NEDD8: variants seen among roughly 807,000 people sequenced by gnomAD.
NEDD8 encodes the protein NEDD8 ubiquitin like modifier.
A neutral mutation model predicts 13.8 loss-of-function variants in NEDD8; 1 was observed. The observed-to-expected ratio is 0.07, with a 90% CI of 0.03 to 0.34. The LOEUF is 0.34. Among genes scored for constraint, NEDD8 ranks in the 10% least tolerant of loss-of-function variants. NEDD8 has a pLI of 0.99. For synonymous variants in NEDD8, 31 were observed against 33.2 expected (o/e 0.93, Z 0.23); for missense variants, 10 against 95.2 (o/e 0.10, Z 3.73).
chr14:24,220,144 C>T (rs2039780741), intron 1 of NEDD8, among the ~76,000 whole-genome samples: 1 of 152,146 alleles, frequency 6.6e-6, no homozygotes, highest in South Asian at 2.1e-4. Flanking sequence ...ATGTGTAGAC[C>T]TGTTCCCAGT....
chr14:24,218,653 G>A, intron 1 of NEDD8: 1 of 616,770 alleles, frequency 1.6e-6, no homozygotes, highest in Non-Finnish European at 2.8e-6. Context: ...TGAACCATCT[G>A]ATCCTCTTAA....
chr14:24,219,325 C>G (rs1364902586), intron 1 of NEDD8, among the ~76,000 whole-genome samples: 1 of 150,328 alleles, frequency 6.7e-6, no homozygotes, highest in Non-Finnish European at 1.5e-5. Context: ...ACAACAACAA[C>G]AACAAAAATT....
intron 1 of NEDD8, among the ~76,000 whole-genome samples, chr14:24,225,855 A>G (rs891674540): frequency 6.6e-6 from 1 of 152,038 alleles, no homozygotes; most frequent in African/African-American, 2.4e-5. Context: ...CCTGGATAAC[A>G]TGATGAAAAC....
chr14:24,232,085 C>A, intron 1 of NEDD8, 165 bp downstream of exon 1: 1 of 1,097,114 alleles, frequency 9.1e-7, no homozygotes, highest in African/African-American at 1.6e-5. Context: ...GCTCTCAAAG[C>A]CCTTCTGGGT....
intron 1 of NEDD8, among the ~76,000 whole-genome samples, chr14:24,221,648 T>C (rs1412992893): frequency 6.6e-6 from 1 of 151,958 alleles, no homozygotes; most frequent in Non-Finnish European, 1.5e-5. Context: ...CAGGCTGGAG[T>C]GCAACGGCAC....
chr14:24,219,735 C>A (rs992426621), intron 1 of NEDD8, among the ~76,000 whole-genome samples: 2 of 152,156 alleles, frequency 1.3e-5, no homozygotes, highest in African/African-American at 4.8e-5. Flanking sequence ...GTGATCCAGG[C>A]CACAAACACA....
intron 3 of NEDD8, 189 bp downstream of exon 3, chr14:24,217,944 T>G (rs890219460): frequency 1.9e-6 from 1 of 536,348 alleles, no homozygotes; most frequent in African/African-American, 1.9e-5. Flanking sequence ...TTTCCTTTAA[T>G]TCTATATATT....
In NEDD8 at chr14:24,216,886, C is replaced by A; in HGVS notation, c.*241G>T. On this transcript the variant is annotated 3_prime_UTR_variant, in exon 4 of 4. Transcript: ENST00000250495. Reference sequence around the variant, plus strand: ...AGGAGGCCAGGAAATATTTTATTGACAACCAGGGACACAGTCATAAGAGAG... The same window carrying A: ...AGGAGGCCAGGAAATATTTTATTGAAAACCAGGGACACAGTCATAAGAGAG... 2.2e-6 allele frequency: 1 copy of A among 452,244 alleles called. No individual in the cohort carries two copies. Among genetic ancestry groups the A allele is most frequent in the South Asian group, 4.5e-5 (1 of 22,110 alleles). The allele number at this position is 452,244 out of a possible 1,614,324, so 28.0% of individuals were successfully genotyped here. A position where few individuals can be genotyped will look rare whatever the true frequency, so the allele number is the denominator to read the frequency against.
At chr14:24,229,077 T>G (rs1191104362) in intron 1 of NEDD8, among the ~76,000 whole-genome samples, 1 of 152,186 alleles carries the variant, frequency 6.6e-6, no homozygotes, top group African/African-American at 2.4e-5. Flanking sequence ...CAATATCACC[T>G]GGGAGTTTGT....
intron 1 of NEDD8, chr14:24,227,911 A>C (rs1440847424): frequency 6.6e-6 from 1 of 152,202 alleles, no homozygotes; most frequent in Non-Finnish European, 1.5e-5. Flanking sequence ...CCTGGGCAAC[A>C]TGGTGAAACC....
Position 24,219,291 on chromosome 14 carries a change from GTC to G in NEDD8, c.19-862_19-861del, listed in dbSNP as rs1827790172. ...AGCCTGGACAACACAGCGAAACCCTGTCTCAACCAAAACAACAACAACAACAA... is the reference window on the plus strand; with the variant it reads ...AGCCTGGACAACACAGCGAAACCCTGTCAACCAAAACAACAACAACAACAA... On this transcript the variant is annotated intron_variant, in intron 1 of 3. Coordinates refer to ENST00000250495, the MANE Select transcript of NEDD8 (RefSeq NM_006156.3). 4.0e-5 allele frequency among the ~76,000 whole-genome samples: 6 copies of G among 148,998 alleles called. No homozygotes were observed. In the South Asian group the frequency reaches 1.3e-3, roughly 31 times the overall value.
At chr14:24,218,535 G>A (rs1342157909) in intron 1 of NEDD8, 104 bp from the exon 2 acceptor site, 2 of 1,497,776 alleles carry the variant, frequency 1.3e-6, no homozygotes, top group Non-Finnish European at 9.3e-7. Flanking sequence ...CCTTCTAAAA[G>A]ATGCATATTC....
chr14:24,231,126 A>T (rs900655232), intron 1 of NEDD8, among the ~76,000 whole-genome samples: 24 of 144,138 alleles, frequency 1.7e-4, no homozygotes, highest in African/African-American at 5.7e-4. Context: ...CCTGGGCTCA[A>T]GCGATCGGCC....
At chr14:24,225,419 A>T (rs2138897782) in intron 1 of NEDD8, among the ~76,000 whole-genome samples, 1 of 152,320 alleles carries the variant, frequency 6.6e-6, no homozygotes, top group Non-Finnish European at 1.5e-5. Flanking sequence ...AAATTTTTGG[A>T]TGTAAAAATT....
In NEDD8 at chr14:24,232,333, G is replaced by A; in HGVS notation, c.-66C>T. On this transcript the variant is annotated 5_prime_UTR_variant, in exon 1 of 4. Coordinates refer to ENST00000250495, the MANE Select transcript of NEDD8 (RefSeq NM_006156.3). The stretch of plus-strand genomic sequence containing the variant: ...TCCTACCGCTCCGGTCGCCGCTGCC[G>A]CCCTCCAGCACTCTTGCCTGCAAGG... The A allele has an allele frequency of 1.3e-6, 2 of 1,525,870 alleles. No individual in the cohort carries two copies. Among genetic ancestry groups the A allele is most frequent in the South Asian group, 2.2e-5 (2 of 89,660 alleles). 94.5% of individuals were successfully genotyped at this position (1,525,870 alleles called of 1,614,324 possible).
Position 24,232,268 on chromosome 14 carries a change from C to T in NEDD8, c.-1G>A, listed in dbSNP as rs1421680882. The T allele has an allele frequency of 3.1e-6, 5 of 1,613,834 alleles. No individual in the cohort carries two copies. Among genetic ancestry groups the T allele is most frequent in the Non-Finnish European group, 3.4e-6 (4 of 1,179,998 alleles). On this transcript the variant is annotated 5_prime_UTR_variant, in exon 1 of 4. Coordinates refer to ENST00000250495, the MANE Select transcript of NEDD8 (RefSeq NM_006156.3). ...CTCCCACCTTCACTTTAATTAGCATCTTCTTTCCAGTTTGGGGCTGCACAC... is the reference window on the plus strand; with the variant it reads ...CTCCCACCTTCACTTTAATTAGCATTTTCTTTCCAGTTTGGGGCTGCACAC...
At chr14:24,224,110 T>C (rs191077898) in intron 1 of NEDD8, among the ~76,000 whole-genome samples, 6 of 152,246 alleles carry the variant, frequency 3.9e-5, no homozygotes, top group East Asian at 1.9e-4. Context: ...TTGTATTTTT[T>C]AGTAGAGACG....
chr14:24,225,674 A>G (rs1183771490), intron 1 of NEDD8, among the ~76,000 whole-genome samples: 1 of 152,212 alleles, frequency 6.6e-6, no homozygotes, highest in Admixed American at 6.5e-5. Context: ...GCAGTTGAAC[A>G]ATTTTAGAAG....
chr14:24,218,390 T>C lies in NEDD8; in HGVS notation c.60A>G (p.Thr20=). The C allele has an allele frequency of 6.2e-7, 1 of 1,614,256 alleles. No individual in the cohort carries two copies. The highest frequency in any genetic ancestry group is 1.3e-5 in the African/African-American group (1 of 75,064). The change falls in exon 2 of 4, where the codon ACA becomes ACG. Residue 20 remains threonine, a synonymous_variant. Transcript: ENST00000250495. ...GGAGTTGGGCATGCATCACCTTGTC[T>C]GTAGGTTCAATGTCAATCTCAATCT... ...GKEIEIDIEP[T]DKVERIKERV...
Sources: gnomAD v4.1 joint callset for allele counts (sites outside exome capture counted in the v4.1 genomes callset) on GRCh38, gnomAD v4.1.1 for gene constraint, MANE v1.5 for transcripts, NCBI Gene and HGNC (gene_info 2026-07-23, HGNC 2026-07-21) for gene names.